The following KHDRBS2 variants were observed in gnomAD, a reference collection of about 807,000 sequenced individuals.
The protein encoded by KHDRBS2 is KH domain-containing, RNA-binding, signal transduction-associated protein 2.
In KHDRBS2, 26 loss-of-function variants were observed where a neutral mutation model predicts 44.3. The observed-to-expected ratio is 0.59, with a 90% CI of 0.43 to 0.81. The LOEUF (loss-of-function observed/expected upper bound fraction) is 0.81. KHDRBS2 is among the 40% of genes least tolerant of loss of function. KHDRBS2 has a pLI of 0.00. For synonymous variants in KHDRBS2, 194 were observed against 151.1 expected (o/e 1.28, Z -2.08); for missense variants, 476 against 433.1 (o/e 1.10, Z -0.88).
At chr6:61,937,845 G>A (rs1444520026) in intron 4 of KHDRBS2, among the ~76,000 whole-genome samples, 3 of 152,030 alleles carry the variant, frequency 2.0e-5, no homozygotes, top group Non-Finnish European at 4.4e-5. Context: ...TGAGTTACAT[G>A]GGTCCACTCC....
chr6:61,955,417 T>C lies in KHDRBS2; in HGVS notation c.483+22649A>G, dbSNP rs982051689. Among the ~76,000 whole-genome samples the C allele has an allele frequency of 4.1e-5, 6 of 145,458 alleles. 1 individual carries two copies. Among genetic ancestry groups the C allele is most frequent in the East Asian group, 2.1e-4 (1 of 4,784 alleles). ...GTGTATGTATACATATACGTGTATA[T>C]ATACACATACGTATGTGTATGTATA... On this transcript the variant is annotated intron_variant, in intron 4 of 8. Coordinates refer to ENST00000281156, the MANE Select transcript of KHDRBS2 (RefSeq NM_152688.4).
intron 3 of KHDRBS2, among the ~76,000 whole-genome samples, chr6:62,023,379 T>G (rs1026979622): frequency 4.0e-5 from 6 of 151,636 alleles, no homozygotes; most frequent in African/African-American, 1.4e-4. Flanking sequence ...TTAATGTTGG[T>G]TTTCAGCATA....
At chr6:61,631,572 T>C in the KHDRBS2 span, among the ~76,000 whole-genome samples, 27 of 152,296 alleles carry the variant, frequency 1.8e-4, no homozygotes, top group African/African-American at 6.0e-4. Flanking sequence ...GTTGGTATTG[T>C]GTCTTGAATG....
chr6:62,048,751 C>T (rs1484338276), intron 2 of KHDRBS2, among the ~76,000 whole-genome samples: 2 of 151,856 alleles, frequency 1.3e-5, no homozygotes, highest in African/African-American at 4.8e-5. Flanking sequence ...GTTACGAAAG[C>T]ATTTATGTTA....
At chr6:61,812,721 A>G (rs1443195820) in intron 6 of KHDRBS2, among the ~76,000 whole-genome samples, 1 of 152,056 alleles carries the variant, frequency 6.6e-6, no homozygotes, top group African/African-American at 2.4e-5. Context: ...ACTCTGTAAA[A>G]CAGAATAAAT....
At chr6:61,898,406 G>A (rs191297593) in intron 5 of KHDRBS2, among the ~76,000 whole-genome samples, 6 of 151,908 alleles carry the variant, frequency 3.9e-5, no homozygotes, top group African/African-American at 1.2e-4. Flanking sequence ...TTTATTGTAA[G>A]TCTCTAAGTG....
chr6:61,959,026 C>A (rs1768039151), intron 4 of KHDRBS2, among the ~76,000 whole-genome samples: 1 of 152,304 alleles, frequency 6.6e-6, no homozygotes, highest in Admixed American at 6.5e-5. Context: ...ACTGGTGTCA[C>A]TTCAACAACG....
At chr6:61,712,184 T>G (rs1478377267) in intron 7 of KHDRBS2, among the ~76,000 whole-genome samples, 1 of 151,798 alleles carries the variant, frequency 6.6e-6, no homozygotes, top group Admixed American at 6.6e-5. Flanking sequence ...CTGTATCAGT[T>G]GAGGCAATAT....
intron 3 of KHDRBS2, among the ~76,000 whole-genome samples, chr6:62,042,292 A>G (rs1181160451): frequency 1.3e-5 from 2 of 152,090 alleles, no homozygotes; most frequent in African/African-American, 2.4e-5. Flanking sequence ...CACAAACACA[A>G]ATGATATTTA....
At chr6:62,176,174 A>C (rs1821053544) in intron 2 of KHDRBS2, among the ~76,000 whole-genome samples, 1 of 151,388 alleles carries the variant, frequency 6.6e-6, no homozygotes. Context: ...TTTAATATTC[A>C]AGAGAACATG....
At chr6:61,935,761 A>G (rs1416300742) in intron 4 of KHDRBS2, among the ~76,000 whole-genome samples, 1 of 152,164 alleles carries the variant, frequency 6.6e-6, no homozygotes, top group Admixed American at 6.5e-5. Context: ...TATGAGAAAT[A>G]GTAAGATAAA....
At chr6:61,926,846 G>A (rs1809067258) in intron 4 of KHDRBS2, among the ~76,000 whole-genome samples, 1 of 151,682 alleles carries the variant, frequency 6.6e-6, no homozygotes, top group Non-Finnish European at 1.5e-5. Context: ...AGAGACAGAT[G>A]AGCCACAGAC....
chr6:61,983,193 T>TTTTCCG, intron 3 of KHDRBS2, among the ~76,000 whole-genome samples: 3 of 69,854 alleles, frequency 4.3e-5, no homozygotes, highest in Non-Finnish European at 8.1e-5. Flanking sequence ...AATTAAAGTT[T>TTTTCCG]TTTTCATTTT....
chr6:62,240,717 T>C (rs59825516), intron 1 of KHDRBS2, among the ~76,000 whole-genome samples: 4 of 119,592 alleles, frequency 3.3e-5, no homozygotes, highest in African/African-American at 6.0e-5. Context: ...TATATATATA[T>C]AAACATGAGT....
chr6:62,232,556 C>T (rs1833054203), intron 1 of KHDRBS2, among the ~76,000 whole-genome samples: 1 of 152,082 alleles, frequency 6.6e-6, no homozygotes, highest in Non-Finnish European at 1.5e-5. Context: ...CTGAAATACA[C>T]ACCTACACAC....
intron 1 of KHDRBS2, among the ~76,000 whole-genome samples, chr6:62,227,238 A>G (rs1832032755): frequency 6.6e-6 from 1 of 152,152 alleles, no homozygotes; most frequent in South Asian, 2.1e-4. Flanking sequence ...GGTCCTTCAC[A>G]TCCCTGGTTA....
chr6:61,955,147 CGT>C (rs1323985070), intron 4 of KHDRBS2, among the ~76,000 whole-genome samples: 1 of 140,404 alleles, frequency 7.1e-6, no homozygotes, highest in Admixed American at 7.1e-5. Flanking sequence ...TATACACATA[CGT>C]GTGTATGTAT....
chr6:61,960,744 A>C (rs1472393246), intron 4 of KHDRBS2, among the ~76,000 whole-genome samples: 1 of 152,118 alleles, frequency 6.6e-6, no homozygotes, highest in Non-Finnish European at 1.5e-5. Context: ...CCTATACATA[A>C]ATTTATTTTT....
chr6:62,124,889 T>C (rs1016475096), intron 2 of KHDRBS2, among the ~76,000 whole-genome samples: 2 of 152,190 alleles, frequency 1.3e-5, no homozygotes, highest in Admixed American at 6.5e-5. Flanking sequence ...CCTTGAATCG[T>C]TGCCAACATT....
Sources: allele counts gnomAD v4.1 joint callset (sites outside exome capture counted in the v4.1 genomes callset), GRCh38; gene constraint gnomAD v4.1.1; transcripts MANE v1.5; gene names NCBI Gene and HGNC (gene_info 2026-07-23, HGNC 2026-07-21).